Variants in TMPRSS11D observed in about 807,000 individuals in gnomAD.
TMPRSS11D encodes the protein transmembrane serine protease 11D, also known as transmembrane protease serine 11D.
TMPRSS11D carries 32 observed loss-of-function variants against 44.4 expected under a neutral mutation model. That is an observed-to-expected ratio of 0.72 (90% CI 0.54 to 0.97). The LOEUF is 0.97. TMPRSS11D is among the 50% of genes least tolerant of loss of function. TMPRSS11D has a pLI of 0.00. For missense variants in TMPRSS11D, 446 were observed against 502.6 expected (o/e 0.89, Z 1.08); for synonymous variants, 179 against 177.9 (o/e 1.01, Z -0.05).
At chr4:67,871,179 T>C (rs1229411721) in intron 1 of TMPRSS11D, among the ~76,000 whole-genome samples, 2 of 152,218 alleles carry the variant, frequency 1.3e-5, no homozygotes, top group African/African-American at 4.8e-5. Flanking sequence ...CTTTATTCAT[T>C]AGTCAAGCTA....
chr4:67,859,741 G>A (rs957274417), intron 1 of TMPRSS11D, 63 bp from the exon 2 acceptor site: 1 of 1,587,362 alleles, frequency 6.3e-7, no homozygotes, highest in Non-Finnish European at 8.6e-7. Flanking sequence ...TCATTTTAGT[G>A]TTCATGATTG....
At chr4:67,883,483 A>G (rs1217472438) in intron 1 of TMPRSS11D, among the ~76,000 whole-genome samples, 1 of 152,090 alleles carries the variant, frequency 6.6e-6, no homozygotes, top group Non-Finnish European at 1.5e-5. Context: ...TACTTTCTAA[A>G]AGTGTACTTT....
intron 7 of TMPRSS11D, among the ~76,000 whole-genome samples, chr4:67,827,765 C>G (rs894017): frequency 0.031 from 4,682 of 152,124 alleles, 256 homozygotes; most frequent in African/African-American, 0.11. Context: ...TGGTGTTTTT[C>G]TATTCCAATG....
chr4:67,872,263 G>A (rs1187723236), intron 1 of TMPRSS11D, among the ~76,000 whole-genome samples: 1 of 151,894 alleles, frequency 6.6e-6, no homozygotes, highest in Non-Finnish European at 1.5e-5. Flanking sequence ...TTTCCAAATA[G>A]GTAGGTTTCC....
intron 1 of TMPRSS11D, among the ~76,000 whole-genome samples, chr4:67,861,433 A>C (rs549746308): frequency 6.6e-6 from 1 of 152,268 alleles, no homozygotes; most frequent in South Asian, 2.1e-4. Context: ...AGAGTTAAAA[A>C]TAGACAGAGT....
intron 3 of TMPRSS11D, among the ~76,000 whole-genome samples, chr4:67,853,159 T>G (rs192084439): frequency 3.7e-4 from 57 of 152,328 alleles, no homozygotes; most frequent in African/African-American, 1.3e-3. Context: ...GCAAAAAGTC[T>G]TGAGCTGGAG....
chr4:67,822,742 G>A (rs1234387624), intron 9 of TMPRSS11D, among the ~76,000 whole-genome samples: 5 of 152,134 alleles, frequency 3.3e-5, no homozygotes, highest in African/African-American at 9.7e-5. Context: ...CTCAGTCACC[G>A]AGTGGTTGCC....
rs1168678115 is a variant in TMPRSS11D, at chr4:67,838,313, C to T, written c.334G>A (p.Val112Met). 1.3e-6 allele frequency: 2 copies of T among 1,573,892 alleles called. No individual in the cohort carries two copies. Among genetic ancestry groups the T allele is most frequent in the Admixed American group, 2.0e-5 (1 of 50,654 alleles). The change falls in exon 5 of 10, where the codon GTG (valine) becomes ATG (methionine). Residue 112 changes from valine (V) to methionine (M), a missense_variant. By Grantham distance (21) the Val-to-Met change is conservative. Coordinates refer to ENST00000283916, the MANE Select transcript of TMPRSS11D (RefSeq NM_004262.3). ...AATTTCATGACAACATCCGCTCTCA[C>T]ACCACTACCATCTTGCCTGTAAATC... ...VAKLRQDGSG[V>M]RADVVMKFQF...
intron 1 of TMPRSS11D, among the ~76,000 whole-genome samples, chr4:67,867,586 A>G (rs368546352): frequency 1.2e-4 from 18 of 152,208 alleles, no homozygotes; most frequent in African/African-American, 4.3e-4. Flanking sequence ...GCATCTTACA[A>G]AACACTAATG....
intron 1 of TMPRSS11D, among the ~76,000 whole-genome samples, chr4:67,872,984 T>A (rs528611459): frequency 6.6e-6 from 1 of 152,244 alleles, no homozygotes; most frequent in Non-Finnish European, 1.5e-5. Flanking sequence ...TTACAAGTAG[T>A]GCATTGGGAA....
At chr4:67,876,514 A>G (rs1291130119) in intron 1 of TMPRSS11D, among the ~76,000 whole-genome samples, 2 of 152,224 alleles carry the variant, frequency 1.3e-5, no homozygotes, top group African/African-American at 4.8e-5. Flanking sequence ...TTTTATAATA[A>G]CATTTTATAA....
At position 67,858,890 on chromosome 4, in the gene TMPRSS11D, G is replaced by A. The variant is rs147379297; in HGVS notation, c.130+667C>T. On this transcript the variant is annotated intron_variant, in intron 2 of 9. Coordinates refer to ENST00000283916, the MANE Select transcript of TMPRSS11D (RefSeq NM_004262.3). ...TTGTTTATGAATGAGCATGATATGT[G>A]TATTCTTTACATTATTTTTTCTTGT... 7.0e-3 allele frequency among the ~76,000 whole-genome samples: 1,065 copies of A among 152,124 alleles called. 20 individuals are homozygous for A. Among genetic ancestry groups the A allele is most frequent in the Non-Finnish European group, 4.4e-3 (299 of 67,968 alleles).
intron 1 of TMPRSS11D, among the ~76,000 whole-genome samples, chr4:67,883,096 C>T (rs1257893613): frequency 6.6e-6 from 1 of 151,752 alleles, no homozygotes; most frequent in African/African-American, 2.4e-5. Context: ...ATTGAATTTT[C>T]CAATGTTCAG....
rs757851651 is a variant in TMPRSS11D, at chr4:67,827,437, A to G, written c.776T>C (p.Leu259Ser). Residue 259 changes from leucine to serine, a missense_variant, in exon 8 of 10, where the codon TTA becomes TCA. Transcript: ENST00000283916. ...PKLRMRVRNI[L>S]IHNNYKSATH... ...TGCAGATTTATAATTGTTATGAATT[A>G]AAATATTTCTTACTCTCATTCTTAG... The G allele has an allele frequency of 1.2e-6, 2 of 1,612,912 alleles. No homozygotes were observed. The highest frequency in any genetic ancestry group is 2.2e-5 in the South Asian group (2 of 90,982).
At position 67,827,252 on chromosome 4, in the gene TMPRSS11D, G is replaced by A. The variant is rs780600159; in HGVS notation, c.952+9C>T. The A allele has an allele frequency of 1.9e-6, 3 of 1,565,260 alleles. No individual in the cohort carries two copies. The highest frequency in any genetic ancestry group is 1.7e-4 in the Middle Eastern group (1 of 5,788). On this transcript the variant is annotated intron_variant, in intron 8 of 9. Coordinates refer to ENST00000283916, the MANE Select transcript of TMPRSS11D (RefSeq NM_004262.3). ...TTCTATTGTTAATTTTTTTTTCCGA[G>A]ACACTTACCAGCATATTCTTGAGCG...
At chr4:67,875,313 G>C (rs1190555968) in intron 1 of TMPRSS11D, among the ~76,000 whole-genome samples, 1 of 152,186 alleles carries the variant, frequency 6.6e-6, no homozygotes, top group Non-Finnish European at 1.5e-5. Context: ...TGCTCGACAG[G>C]AGGCAAATCC....
intron 3 of TMPRSS11D, among the ~76,000 whole-genome samples, chr4:67,843,833 G>T (rs1056850215): frequency 1.3e-5 from 2 of 152,226 alleles, no homozygotes; most frequent in Admixed American, 6.5e-5. Flanking sequence ...TGAGGCAGGA[G>T]AATCACTTGA....
chr4:67,848,788 G>C (rs1718425599), intron 3 of TMPRSS11D, among the ~76,000 whole-genome samples: 1 of 152,202 alleles, frequency 6.6e-6, no homozygotes, highest in South Asian at 2.1e-4. Context: ...GTACCATGGA[G>C]AGCAAGTAGG....
At position 67,842,486 on chromosome 4, in the gene TMPRSS11D, C is replaced by T. The variant is rs144258436; in HGVS notation, c.317+72G>A. On this transcript the variant is annotated intron_variant, in intron 4 of 9. Transcript: ENST00000283916. ...TTATCTGAACATGTCATTTACTATT[C>T]ATTCTGTGACAAAAAGTCAAGTATG... is the stretch of plus-strand genomic sequence containing the variant. 75 of 1,219,974 alleles carry T rather than the reference C, an allele frequency of 6.1e-5. 2 individuals are homozygous for T. In the African/African-American group the frequency reaches 6.7e-4, roughly 11 times the overall value. The allele number at this position is 1,219,974 out of a possible 1,614,324, so 75.6% of individuals were successfully genotyped here.
Sources: allele counts gnomAD v4.1 joint callset (sites outside exome capture counted in the v4.1 genomes callset), GRCh38; gene constraint gnomAD v4.1.1; transcripts MANE v1.5; gene names NCBI Gene and HGNC (gene_info 2026-07-23, HGNC 2026-07-21).